Variants in JAM3 observed in about 807,000 individuals in gnomAD.
JAM3 encodes junctional adhesion molecule C.
Under a neutral mutation model 39.4 loss-of-function variants are expected in JAM3, and 31 were observed. The observed-to-expected ratio is 0.79, with a 90% CI of 0.59 to 1.06. The LOEUF is 1.06. JAM3 is among the 50% of genes least tolerant of loss of function. The probability of loss-of-function intolerance (pLI) is 0.00; values close to 1 mark genes in which losing one functional copy is unlikely to be tolerated. For synonymous variants in JAM3, 182 were observed against 148.7 expected (o/e 1.22, Z -1.63); for missense variants, 455 against 391.4 (o/e 1.16, Z -1.37).
At chr11:134,100,941 A>C (rs999058254) in intron 1 of JAM3, among the ~76,000 whole-genome samples, 1 of 152,210 alleles carries the variant, frequency 6.6e-6, no homozygotes, top group Admixed American at 6.5e-5. Context: ...AGTAAAGTTA[A>C]CTAAAGTTAA....
chr11:134,144,836 G>T lies in JAM3; in HGVS notation c.454G>T (p.Val152Leu). 1 of 1,614,198 alleles carries T rather than the reference G, an allele frequency of 6.2e-7. No individual in the cohort carries two copies. The highest frequency in any genetic ancestry group is 2.2e-5 in the East Asian group (1 of 44,882). The change falls in exon 5 of 9, where the codon GTA becomes TTA. Residue 152 changes from valine to leucine, a missense_variant. Coordinates refer to ENST00000299106, the MANE Select transcript of JAM3 (RefSeq NM_032801.5). ...PVCRVPKAVPVGKMATLHCQE... is the reference protein window; with the variant it reads ...PVCRVPKAVPLGKMATLHCQE... ...CTGTAGAGTGCCGAAGGCTGTACCA[G>T]TAGGCAAGATGGCAACACTGCACTG...
At chr11:134,085,395 G>A (rs1371850235) in intron 1 of JAM3, among the ~76,000 whole-genome samples, 2 of 152,126 alleles carry the variant, frequency 1.3e-5, no homozygotes, top group East Asian at 3.9e-4. Flanking sequence ...ATATGATGAG[G>A]TGATCAAAGA....
At chr11:134,108,749 A>G (rs1441652879) in intron 1 of JAM3, among the ~76,000 whole-genome samples, 1 of 152,190 alleles carries the variant, frequency 6.6e-6, no homozygotes, top group Non-Finnish European at 1.5e-5. Context: ...ACATCCATTT[A>G]TGATAAAAAA....
chr11:134,105,443 CA>C (rs981391890), intron 1 of JAM3, among the ~76,000 whole-genome samples: 2 of 151,988 alleles, frequency 1.3e-5, no homozygotes. Context: ...AAAACTGGCA[CA>C]AGATGGATGC....
At chr11:134,115,340 T>G (rs1942406429) in intron 1 of JAM3, among the ~76,000 whole-genome samples, 1 of 152,224 alleles carries the variant, frequency 6.6e-6, no homozygotes, top group Non-Finnish European at 1.5e-5. Flanking sequence ...ATTGGGATGT[T>G]TAGACTATTT....
intron 1 of JAM3, among the ~76,000 whole-genome samples, chr11:134,112,587 A>G (rs1252276220): frequency 6.6e-6 from 1 of 152,202 alleles, no homozygotes; most frequent in East Asian, 1.9e-4. Context: ...CTATGTGTCC[A>G]CCACCAAGTT....
chr11:134,137,036 C>A (rs147699734), intron 1 of JAM3, among the ~76,000 whole-genome samples: 1,590 of 151,828 alleles, frequency 0.01, 23 homozygotes, highest in African/African-American at 0.037. Flanking sequence ...TGGTGTGAAC[C>A]CAAGAGGCGG....
At chr11:134,148,508 G>C (rs555979256) in intron 6 of JAM3, 39 bp from the exon 7 acceptor site, 14 of 1,613,956 alleles carry the variant, frequency 8.7e-6, no homozygotes, top group Middle Eastern at 3.4e-4. Context: ...ATAACAGATA[G>C]TGTGTATCAT....
intron 1 of JAM3, among the ~76,000 whole-genome samples, chr11:134,133,310 C>T (rs780751146): frequency 6.6e-6 from 1 of 152,160 alleles, no homozygotes; most frequent in East Asian, 1.9e-4. Flanking sequence ...ACTGCTCTTG[C>T]TAGAAATTCC....
At chr11:134,124,335 A>T in intron 1 of JAM3, 3 of 756,174 alleles carry the variant, frequency 4.0e-6, no homozygotes, top group Non-Finnish European at 7.2e-6. Flanking sequence ...CATTATGGCA[A>T]ATGAAAAATG....
At chr11:134,127,141 G>C (rs186406604) in intron 1 of JAM3, among the ~76,000 whole-genome samples, 3 of 147,926 alleles carry the variant, frequency 2.0e-5, no homozygotes, top group African/African-American at 7.3e-5. Flanking sequence ...GAATGTAATA[G>C]AAAGAGTGTT....
chr11:134,125,596 A>G (rs1207571292), intron 1 of JAM3, among the ~76,000 whole-genome samples: 2 of 152,170 alleles, frequency 1.3e-5, no homozygotes, highest in African/African-American at 4.8e-5. Flanking sequence ...CTAGCATCCG[A>G]TCCCCTGTCT....
At chr11:134,085,200 A>G (rs1462783435) in intron 1 of JAM3, among the ~76,000 whole-genome samples, 1 of 152,238 alleles carries the variant, frequency 6.6e-6, no homozygotes, top group Non-Finnish European at 1.5e-5. Context: ...GGATTAGTCA[A>G]ACTACAAGAA....
chr11:134,091,835 GGT>G (rs1491310152), intron 1 of JAM3, among the ~76,000 whole-genome samples: 1 of 113,362 alleles, frequency 8.8e-6, no homozygotes, highest in African/African-American at 5.6e-5. Flanking sequence ...TGGGGGTGTG[GGT>G]TTTTTTTTTT....
In JAM3 at chr11:134,149,792, G is replaced by A; in HGVS notation, c.*611G>A. 4.8e-6 allele frequency: 2 copies of A among 413,644 alleles called. No homozygotes were observed. The highest frequency in any genetic ancestry group is 3.5e-5 in the South Asian group (2 of 56,692). 25.6% of individuals were successfully genotyped at this position (413,644 alleles called of 1,614,324 possible). A position where few individuals can be genotyped will look rare whatever the true frequency, so the allele number is the denominator to read the frequency against. On this transcript the variant is annotated 3_prime_UTR_variant, in exon 9 of 9. Coordinates refer to ENST00000299106, the MANE Select transcript of JAM3 (RefSeq NM_032801.5). ...CAGGAAGGTAAATTGGTTGCTGGAA[G>A]AGGGATCTTGCCTGAGGAACCCTGC...
At chr11:134,147,281 CTG>C (rs1460914226) in intron 6 of JAM3, among the ~76,000 whole-genome samples, 4 of 151,678 alleles carry the variant, frequency 2.6e-5, no homozygotes, top group East Asian at 2.0e-4. Context: ...TGCCAAAACT[CTG>C]TGTCTACTAA....
intron 1 of JAM3, among the ~76,000 whole-genome samples, chr11:134,087,043 G>A (rs1317678324): frequency 2.6e-5 from 4 of 152,054 alleles, no homozygotes; most frequent in Non-Finnish European, 5.9e-5. Flanking sequence ...GGGCTCAAGC[G>A]ATCCTCCTCC....
chr11:134,150,121 T>C lies in JAM3; in HGVS notation c.*940T>C, dbSNP rs1209061468. The C allele has an allele frequency of 6.5e-6, 1 of 154,858 alleles. No homozygotes were observed. Among genetic ancestry groups the C allele is most frequent in the African/African-American group, 2.4e-5 (1 of 41,474 alleles). 9.6% of individuals were successfully genotyped at this position (154,858 alleles called of 1,614,324 possible). On this transcript the variant is annotated 3_prime_UTR_variant, in exon 9 of 9. Coordinates refer to ENST00000299106, the MANE Select transcript of JAM3 (RefSeq NM_032801.5). Reference sequence around the variant, plus strand: ...GTATTTTACCCAAGGAATCCTCTCATGGAAGTTTACTGTGATGTTCCTTTT... The same window carrying C: ...GTATTTTACCCAAGGAATCCTCTCACGGAAGTTTACTGTGATGTTCCTTTT...
Position 134,149,381 on chromosome 11 carries a change from C to T in JAM3, c.*200C>T, listed in dbSNP as rs560817796. On this transcript the variant is annotated 3_prime_UTR_variant, in exon 9 of 9. Coordinates refer to ENST00000299106, the MANE Select transcript of JAM3 (RefSeq NM_032801.5). ...AGAAGAATTTTCCTCAAGATGGACC[C>T]GGTAAATATAACCACAAGGAAGCGA... 4.1e-5 allele frequency: 27 copies of T among 652,852 alleles called. No homozygotes were observed. The highest frequency in any genetic ancestry group is 5.4e-5 in the South Asian group (3 of 55,196). The allele number at this position is 652,852 out of a possible 1,614,324, so 40.4% of individuals were successfully genotyped here.
Sources: gnomAD v4.1 joint callset for allele counts (sites outside exome capture counted in the v4.1 genomes callset) on GRCh38, gnomAD v4.1.1 for gene constraint, MANE v1.5 for transcripts, NCBI Gene and HGNC (gene_info 2026-07-23, HGNC 2026-07-21) for gene names.